CNTNAP2: variants seen among roughly 807,000 people sequenced by gnomAD.
CNTNAP2 encodes the protein contactin-associated protein-like 2.
A neutral mutation model predicts 155.2 loss-of-function variants in CNTNAP2; 98 were observed. That is an observed-to-expected ratio of 0.63 (90% CI 0.54 to 0.75). CNTNAP2 has a LOEUF of 0.75. Ranked by LOEUF, CNTNAP2 falls within the 30% of genes least tolerant of loss-of-function variation. CNTNAP2 has a pLI of 0.00. For synonymous variants in CNTNAP2, 651 were observed against 631.2 expected, an observed-to-expected ratio of 1.03 and a Z score of -0.47; for missense variants, 1,727 against 1,688.1, an observed-to-expected ratio of 1.02 and a Z score of -0.40.
At chr7:146,766,679 T>C (rs1363039263) in intron 1 of CNTNAP2, among the ~76,000 whole-genome samples, 1 of 152,188 alleles carries the variant, frequency 6.6e-6, no homozygotes, top group African/African-American at 2.4e-5. Flanking sequence ...CTCAATGAGA[T>C]GACCCACTCA....
rs73461448 is a variant in CNTNAP2, at chr7:146,884,778, G to A, written c.402+44874G>A. 7.9e-3 allele frequency among the ~76,000 whole-genome samples: 1,198 copies of A among 152,020 alleles called. 17 individuals are homozygous for A. The highest frequency in any genetic ancestry group is 0.027 in the African/African-American group (1,130 of 41,480). On this transcript the variant is annotated intron_variant, in intron 3 of 23. Coordinates refer to ENST00000361727, the MANE Select transcript of CNTNAP2 (RefSeq NM_014141.6). ...AAGCAAAATTAGTCAAGGAAGGGAG[G>A]GGAAGTAGAGAGTAAATTACTTTGT...
At chr7:147,847,951 C>T (rs1445673390) in intron 13 of CNTNAP2, among the ~76,000 whole-genome samples, 1 of 132,736 alleles carries the variant, frequency 7.5e-6, no homozygotes, top group African/African-American at 2.8e-5. Context: ...GCAGTCTGCC[C>T]GTTCTCAGAT....
intron 1 of CNTNAP2, among the ~76,000 whole-genome samples, chr7:146,377,307 A>C (rs1795317155): frequency 6.6e-6 from 1 of 152,110 alleles, no homozygotes; most frequent in South Asian, 2.1e-4. Flanking sequence ...AGTGTTCCAC[A>C]TGCTTCTCGT....
chr7:146,203,546 G>A (rs79319588), intron 1 of CNTNAP2, among the ~76,000 whole-genome samples: 19,709 of 152,086 alleles, frequency 0.13, 1,583 homozygotes, highest in Middle Eastern at 0.19. Context: ...TCGAATATCC[G>A]GAAGCTCTTT....
intron 13 of CNTNAP2, among the ~76,000 whole-genome samples, chr7:147,710,221 G>A (rs1050126273): frequency 6.6e-6 from 1 of 152,026 alleles, no homozygotes; most frequent in African/African-American, 2.4e-5. Flanking sequence ...TAATGTTGAT[G>A]GAGAAATAGA....
intron 3 of CNTNAP2, among the ~76,000 whole-genome samples, chr7:146,914,204 GT>G: frequency 6.6e-6 from 1 of 151,924 alleles, no homozygotes; most frequent in Middle Eastern, 3.4e-3. Flanking sequence ...TCTTTGACTG[GT>G]GGGCATTTGG....
intron 13 of CNTNAP2, among the ~76,000 whole-genome samples, chr7:147,745,420 C>T (rs555416837): frequency 1.3e-5 from 2 of 152,278 alleles, no homozygotes; most frequent in African/African-American, 4.8e-5. Context: ...ATTGATTAGA[C>T]ACTATTTTGA....
At chr7:146,310,892 G>A (rs1800809895) in intron 1 of CNTNAP2, among the ~76,000 whole-genome samples, 1 of 152,014 alleles carries the variant, frequency 6.6e-6, no homozygotes, top group Non-Finnish European at 1.5e-5. Flanking sequence ...CCCTTAAGAG[G>A]CAATTCAGAC....
chr7:146,315,295 C>G (rs922929925), intron 1 of CNTNAP2, among the ~76,000 whole-genome samples: 7 of 152,134 alleles, frequency 4.6e-5, no homozygotes, highest in African/African-American at 1.7e-4. Flanking sequence ...CTCTGACATT[C>G]TGCAAGTGGG....
At chr7:147,149,035 C>T (rs927000204) in intron 8 of CNTNAP2, among the ~76,000 whole-genome samples, 20 of 152,212 alleles carry the variant, frequency 1.3e-4, no homozygotes, top group Admixed American at 6.5e-4. Context: ...AGCAAGTTGC[C>T]GCTGCTGGCT....
chr7:147,334,780 G>T (rs1233119771), intron 9 of CNTNAP2, among the ~76,000 whole-genome samples: 1 of 152,138 alleles, frequency 6.6e-6, no homozygotes, highest in Non-Finnish European at 1.5e-5. Flanking sequence ...GAATAAGCAT[G>T]TTCGTGTGTG....
intron 1 of CNTNAP2, among the ~76,000 whole-genome samples, chr7:146,621,353 C>G (rs1386991001): frequency 6.6e-6 from 1 of 152,074 alleles, no homozygotes; most frequent in African/African-American, 2.4e-5. Context: ...ATATATTAAG[C>G]CTAATGTTCA....
chr7:147,608,249 C>T (rs540170594), intron 12 of CNTNAP2, among the ~76,000 whole-genome samples: 5 of 151,222 alleles, frequency 3.3e-5, no homozygotes, highest in African/African-American at 1.2e-4. Context: ...AAGTACCTTG[C>T]ACCTTACACA....
chr7:147,247,781 T>C (rs1804098701), intron 8 of CNTNAP2, among the ~76,000 whole-genome samples: 1 of 152,180 alleles, frequency 6.6e-6, no homozygotes. Flanking sequence ...AAATGTTACA[T>C]ATGTAAAGTA....
At chr7:146,174,050 A>G (rs2116824956) in intron 1 of CNTNAP2, among the ~76,000 whole-genome samples, 1 of 152,130 alleles carries the variant, frequency 6.6e-6, no homozygotes, top group East Asian at 1.9e-4. Flanking sequence ...ACAAAAAACA[A>G]AAATAATAAC....
At position 147,063,932 on chromosome 7, in the gene CNTNAP2, A is replaced by G. The variant is rs567179538; in HGVS notation, c.550+19878A>G. Among the ~76,000 whole-genome samples, 24 of 152,276 alleles carry G rather than the reference A, an allele frequency of 1.6e-4. 1 individual carries two copies. The South Asian group carries it at 5.0e-3, about 32-fold the overall frequency. On this transcript the variant is annotated intron_variant, in intron 4 of 23. Coordinates refer to ENST00000361727, the MANE Select transcript of CNTNAP2 (RefSeq NM_014141.6). Reference sequence around the variant, plus strand: ...GATCATTTTGACATTATAGGAGAGTAAGGATATGTAAGTTAGCTAAGAATT... The same window carrying G: ...GATCATTTTGACATTATAGGAGAGTGAGGATATGTAAGTTAGCTAAGAATT...
chr7:147,016,518 G>A (rs1249003368), intron 3 of CNTNAP2, among the ~76,000 whole-genome samples: 1 of 151,874 alleles, frequency 6.6e-6, no homozygotes, highest in Non-Finnish European at 1.5e-5. Context: ...TTTTCTCAGG[G>A]CCTCTTAATA....
At chr7:148,102,186 T>C (rs1001678657) in intron 15 of CNTNAP2, among the ~76,000 whole-genome samples, 1 of 152,240 alleles carries the variant, frequency 6.6e-6, no homozygotes, top group Non-Finnish European at 1.5e-5. Flanking sequence ...TGTGTCCCTG[T>C]GTTCTCATCA....
intron 2 of CNTNAP2, among the ~76,000 whole-genome samples, chr7:146,826,382 C>A (rs867210469): frequency 1.5e-4 from 23 of 152,258 alleles, no homozygotes; most frequent in Admixed American, 7.2e-4. Flanking sequence ...CTGCTGTAAA[C>A]AGTTCCATTT....
Sources: allele counts gnomAD v4.1 joint callset (sites outside exome capture counted in the v4.1 genomes callset), GRCh38; gene constraint gnomAD v4.1.1; transcripts MANE v1.5; gene names NCBI Gene and HGNC (gene_info 2026-07-23, HGNC 2026-07-21).